LINGO2: variants seen among roughly 807,000 people sequenced by gnomAD.
LINGO2 encodes the protein leucine-rich repeat and immunoglobulin-like domain-containing nogo receptor-interacting protein 2.
In LINGO2, 14 loss-of-function variants were observed where a neutral mutation model predicts 30.6. The observed-to-expected ratio is 0.46, with a 90% CI of 0.30 to 0.72. LINGO2 has a LOEUF of 0.72. Among genes scored for constraint, LINGO2 ranks in the 30% least tolerant of loss-of-function variants. The probability of loss-of-function intolerance (pLI) is 0.07; values close to 1 mark genes in which losing one functional copy is unlikely to be tolerated. For synonymous variants in LINGO2, 317 were observed against 288.5 expected (o/e 1.10, Z -1.00); for missense variants, 729 against 751.7 (o/e 0.97, Z 0.35).
At chr9:27,955,935 CTTTTT>C (rs532878364) in intron 5 of LINGO2, among the ~76,000 whole-genome samples, 1 of 106,772 alleles carries the variant, frequency 9.4e-6, no homozygotes, top group Non-Finnish European at 1.8e-5. Flanking sequence ...TGGATACTGA[CTTTTT>C]TTTTTTTTTT....
At chr9:28,279,176 A>G (rs1003967156) in intron 4 of LINGO2, among the ~76,000 whole-genome samples, 1 of 152,218 alleles carries the variant, frequency 6.6e-6, no homozygotes, top group African/African-American at 2.4e-5. Context: ...ATAAGCAAAG[A>G]AAATGGTTTC....
intron 1 of LINGO2, among the ~76,000 whole-genome samples, chr9:28,657,379 GC>G (rs1828395232): frequency 6.6e-6 from 1 of 151,568 alleles, no homozygotes; most frequent in Admixed American, 6.6e-5. Flanking sequence ...TCTACTCCGG[GC>G]TTTTTTATTT....
intron 1 of LINGO2, among the ~76,000 whole-genome samples, chr9:28,519,654 A>C (rs1488482140): frequency 6.6e-6 from 1 of 152,184 alleles, no homozygotes; most frequent in East Asian, 1.9e-4. Flanking sequence ...CAGATAAGAA[A>C]TGTTACCTGC....
the LINGO2 span, among the ~76,000 whole-genome samples, chr9:28,920,490 T>C: frequency 7.9e-5 from 12 of 152,140 alleles, no homozygotes; most frequent in African/African-American, 2.2e-4. Context: ...GTCTTATAAA[T>C]TGGTTAATAC....
chr9:28,123,403 G>C (rs1827152799), intron 4 of LINGO2, among the ~76,000 whole-genome samples: 1 of 152,158 alleles, frequency 6.6e-6, no homozygotes, highest in African/African-American at 2.4e-5. Context: ...CTGGTCAGCA[G>C]TGTCTTCCTG....
chr9:29,031,149 C>A, the LINGO2 span, among the ~76,000 whole-genome samples: 2 of 152,084 alleles, frequency 1.3e-5, no homozygotes, highest in African/African-American at 4.8e-5. Flanking sequence ...GTGCAAACAA[C>A]AAAAACCACA....
chr9:27,953,558 C>T (rs1311734687), intron 5 of LINGO2, among the ~76,000 whole-genome samples: 1 of 151,858 alleles, frequency 6.6e-6, no homozygotes, highest in African/African-American at 2.4e-5. Context: ...GTGGTTATCC[C>T]CATGCTGCTG....
chr9:28,239,169 A>G (rs1450644103), intron 4 of LINGO2, among the ~76,000 whole-genome samples: 1 of 152,006 alleles, frequency 6.6e-6, no homozygotes, highest in Non-Finnish European at 1.5e-5. Flanking sequence ...GTAAAGAAAA[A>G]CCCAGGACAA....
intron 4 of LINGO2, among the ~76,000 whole-genome samples, chr9:28,110,866 C>G (rs1227066487): frequency 6.6e-6 from 1 of 152,088 alleles, no homozygotes; most frequent in Non-Finnish European, 1.5e-5. Flanking sequence ...TACCATTTGA[C>G]CTAGCAATCT....
chr9:28,616,903 T>C (rs1038548905), intron 1 of LINGO2, among the ~76,000 whole-genome samples: 24 of 152,340 alleles, frequency 1.6e-4, no homozygotes, highest in African/African-American at 5.5e-4. Context: ...GACTCTTTCA[T>C]CACAACTATA....
chr9:28,751,237 G>C, the LINGO2 span, among the ~76,000 whole-genome samples: 1 of 129,080 alleles, frequency 7.7e-6, no homozygotes, highest in Non-Finnish European at 1.6e-5. Flanking sequence ...GCTGCAGTAA[G>C]CTATGATTAT....
At chr9:28,763,678 G>A in the LINGO2 span, among the ~76,000 whole-genome samples, 1 of 151,304 alleles carries the variant, frequency 6.6e-6, no homozygotes, top group African/African-American at 2.4e-5. Flanking sequence ...AGACAATGAA[G>A]AGTAGGGCAA....
At chr9:28,837,649 A>AATAAATATATATATATATATAT in the LINGO2 span, among the ~76,000 whole-genome samples, 1 of 75,838 alleles carries the variant, frequency 1.3e-5, no homozygotes, top group African/African-American at 5.2e-5. Context: ...CTCCGTCTAA[A>AATAAATATATATATATATATAT]ATATATATAT....
the LINGO2 span, among the ~76,000 whole-genome samples, chr9:29,169,511 C>G: frequency 1.1e-4 from 16 of 151,282 alleles, no homozygotes; most frequent in Non-Finnish European, 1.9e-4. Context: ...GAGCGGCCAA[C>G]AAACATATGA....
intron 4 of LINGO2, among the ~76,000 whole-genome samples, chr9:28,072,372 T>C (rs1245855500): frequency 2.0e-5 from 3 of 152,234 alleles, no homozygotes; most frequent in Non-Finnish European, 4.4e-5. Flanking sequence ...AGTTTGCTCT[T>C]GTTTGTCTCA....
At chr9:28,295,597 C>G (rs1205690336) in intron 3 of LINGO2, among the ~76,000 whole-genome samples, 3 of 152,144 alleles carry the variant, frequency 2.0e-5, no homozygotes, top group African/African-American at 4.8e-5. Context: ...TTGATCTACT[C>G]AAGCCATCAG....
At chr9:28,439,537 C>A (rs576329925) in intron 2 of LINGO2, among the ~76,000 whole-genome samples, 1 of 152,112 alleles carries the variant, frequency 6.6e-6, no homozygotes, top group South Asian at 2.1e-4. Flanking sequence ...TAGGGGCAGA[C>A]TTCCTCCTTG....
chr9:29,102,714 T>C, the LINGO2 span, among the ~76,000 whole-genome samples: 2 of 152,170 alleles, frequency 1.3e-5, no homozygotes, highest in South Asian at 2.1e-4. Flanking sequence ...GTATTTGGTA[T>C]TGTGTGCTAT....
At chr9:28,996,928 A>G in the LINGO2 span, among the ~76,000 whole-genome samples, 1 of 152,194 alleles carries the variant, frequency 6.6e-6, no homozygotes, top group Non-Finnish European at 1.5e-5. Context: ...AAAGTTAGGG[A>G]CATTGTATGT....
Sources: gnomAD v4.1 joint callset for allele counts (sites outside exome capture counted in the v4.1 genomes callset) on GRCh38, gnomAD v4.1.1 for gene constraint, MANE v1.5 for transcripts, NCBI Gene and HGNC (gene_info 2026-07-23, HGNC 2026-07-21) for gene names.